Variants in DAB1 observed in about 807,000 individuals in gnomAD.
DAB1 encodes disabled homolog 1.
DAB1 carries 15 observed loss-of-function variants against 64.6 expected under a neutral mutation model. The ratio of observed to expected loss-of-function variants is 0.23; its 90% CI spans 0.16 to 0.36. DAB1 has a LOEUF of 0.36. Among genes scored for constraint, DAB1 ranks in the 10% least tolerant of loss-of-function variants. DAB1 has a pLI of 1.00. For missense variants in DAB1, 596 were observed against 706.7 expected (o/e 0.84, Z 1.78); for synonymous variants, 235 against 251.9 (o/e 0.93, Z 0.64).
intron 2 of DAB1, among the ~76,000 whole-genome samples, chr1:57,232,345 C>A (rs1667746365): frequency 8.1e-6 from 1 of 123,792 alleles, no homozygotes; most frequent in Non-Finnish European, 1.6e-5. Context: ...GTCAGTAATA[C>A]ATGGTGATGA....
chr1:58,061,317 C>T (rs1648490522), intron 5 of DAB1, among the ~76,000 whole-genome samples: 1 of 152,194 alleles, frequency 6.6e-6, no homozygotes, highest in Non-Finnish European at 1.5e-5. Context: ...ATAGCATTTA[C>T]TGCCTCACAG....
intron 3 of DAB1, among the ~76,000 whole-genome samples, chr1:58,461,993 T>C (rs1348168480): frequency 1.3e-5 from 2 of 152,192 alleles, no homozygotes; most frequent in Non-Finnish European, 2.9e-5. Flanking sequence ...CTGGGTGCTA[T>C]TCCATCTGAC....
intron 7 of DAB1, among the ~76,000 whole-genome samples, chr1:57,431,238 A>G (rs967474385): frequency 6.7e-6 from 1 of 150,254 alleles, no homozygotes. Flanking sequence ...TTGACTCTAG[A>G]GAAGCATGCA....
At chr1:57,379,030 A>C (rs1681139961) in intron 1 of DAB1, among the ~76,000 whole-genome samples, 1 of 152,164 alleles carries the variant, frequency 6.6e-6, no homozygotes, top group South Asian at 2.1e-4. Flanking sequence ...GTTCTTGGGG[A>C]CTAGAACTAA....
chr1:57,033,621 A>C, intron 9 of DAB1: 1 of 1,543,188 alleles, frequency 6.5e-7, no homozygotes, highest in Non-Finnish European at 8.9e-7. Flanking sequence ...ATGACACACA[A>C]ATGACATGGA....
intron 7 of DAB1, among the ~76,000 whole-genome samples, chr1:57,625,519 A>C (rs1645912307): frequency 6.6e-6 from 1 of 152,160 alleles, no homozygotes; most frequent in South Asian, 2.1e-4. Context: ...TTACACTGGC[A>C]ATCAGCACCC....
intron 3 of DAB1, among the ~76,000 whole-genome samples, chr1:58,384,061 T>G (rs115170178): frequency 0.014 from 2,189 of 152,150 alleles, 50 homozygotes; most frequent in African/African-American, 0.05. Flanking sequence ...TGTTGTTGTT[T>G]TTTTTTTTAT....
intron 3 of DAB1, among the ~76,000 whole-genome samples, chr1:58,397,013 C>T (rs1215878800): frequency 1.3e-5 from 2 of 150,602 alleles, no homozygotes; most frequent in African/African-American, 4.9e-5. Context: ...TGCAGTGAGC[C>T]GAGATCGCAC....
chr1:58,240,271 T>C (rs372161162), intron 4 of DAB1, among the ~76,000 whole-genome samples: 2 of 152,354 alleles, frequency 1.3e-5, no homozygotes, highest in East Asian at 3.9e-4. Context: ...TATAAGGATG[T>C]AAAATAAAAT....
intron 3 of DAB1, among the ~76,000 whole-genome samples, chr1:58,415,840 C>T (rs574044562): frequency 2.6e-5 from 4 of 152,308 alleles, no homozygotes; most frequent in Non-Finnish European, 5.9e-5. Flanking sequence ...CTAATCTCAG[C>T]TCTGCCACCA....
intron 4 of DAB1, among the ~76,000 whole-genome samples, chr1:58,270,341 G>A (rs1443759481): frequency 2.0e-5 from 3 of 147,620 alleles, no homozygotes; most frequent in Non-Finnish European, 3.0e-5. Context: ...GTAGATATGC[G>A]GCGTTATTTC....
intron 4 of DAB1, among the ~76,000 whole-genome samples, chr1:58,169,185 C>T (rs556915811): frequency 7.9e-5 from 12 of 151,610 alleles, no homozygotes; most frequent in African/African-American, 2.9e-4. Context: ...GGGACCGTTG[C>T]AGGTTCTTGG....
intron 3 of DAB1, among the ~76,000 whole-genome samples, chr1:58,492,628 C>G (rs1410234723): frequency 6.6e-6 from 1 of 152,172 alleles, no homozygotes; most frequent in Non-Finnish European, 1.5e-5. Context: ...TCAGAGAATA[C>G]TATAAACACC....
intron 6 of DAB1, among the ~76,000 whole-genome samples, chr1:57,698,905 C>T (rs1183471584): frequency 6.6e-6 from 1 of 152,190 alleles, no homozygotes; most frequent in Non-Finnish European, 1.5e-5. Flanking sequence ...GAACTACTGG[C>T]ATGCTTTCCA....
chr1:58,405,081 C>T (rs1323095207), intron 3 of DAB1, among the ~76,000 whole-genome samples: 1 of 152,148 alleles, frequency 6.6e-6, no homozygotes. Context: ...TACTCCCCGC[C>T]ACCTCCCTCT....
chr1:57,698,090 CTTT>C (rs754182611), intron 6 of DAB1, among the ~76,000 whole-genome samples: 2 of 143,158 alleles, frequency 1.4e-5, no homozygotes, highest in Admixed American at 7.1e-5. Flanking sequence ...AACTTGTCCA[CTTT>C]TTTTTTTTTT....
intron 7 of DAB1, among the ~76,000 whole-genome samples, chr1:57,507,317 A>G (rs1270009812): frequency 6.6e-6 from 1 of 152,080 alleles, no homozygotes; most frequent in Non-Finnish European, 1.5e-5. Flanking sequence ...GGATAGTTGT[A>G]TTCACTCCTC....
At chr1:57,101,608 A>G (rs1654689109) in intron 4 of DAB1, among the ~76,000 whole-genome samples, 1 of 152,230 alleles carries the variant, frequency 6.6e-6, no homozygotes, top group Non-Finnish European at 1.5e-5. Context: ...GATTCAGATA[A>G]GCAATGCACA....
At chr1:57,595,421 G>A (rs1216181146) in intron 7 of DAB1, among the ~76,000 whole-genome samples, 4 of 150,526 alleles carry the variant, frequency 2.7e-5, no homozygotes, top group African/African-American at 1.0e-4. Context: ...GCAAAGAAAG[G>A]AAAGTGAGCA....
Sources: gnomAD v4.1 joint callset for allele counts (sites outside exome capture counted in the v4.1 genomes callset) on GRCh38, gnomAD v4.1.1 for gene constraint, MANE v1.5 for transcripts, NCBI Gene and HGNC (gene_info 2026-07-23, HGNC 2026-07-21) for gene names.